ANKRD44: variants seen among roughly 807,000 people sequenced by gnomAD.
ANKRD44 encodes serine/threonine-protein phosphatase 6 regulatory ankyrin repeat subunit B.
ANKRD44 carries 35 observed loss-of-function variants against 116.0 expected under a neutral mutation model. That is an observed-to-expected ratio of 0.30 (90% CI 0.23 to 0.40). ANKRD44 has a LOEUF of 0.40. Ranked by LOEUF, ANKRD44 falls within the 10% of genes least tolerant of loss-of-function variation. ANKRD44 has a pLI of 1.00. For missense variants in ANKRD44, 1,014 were observed against 1,242.6 expected (o/e 0.82, Z 2.77); for synonymous variants, 435 against 461.8 (o/e 0.94, Z 0.74).
At position 197,076,744 on chromosome 2, in the gene ANKRD44, G is replaced by GTCCATGTGTTCTC. The variant is rs1443666520; in HGVS notation, c.1650+1958_1650+1959insGAGAACACATGGA. Among the ~76,000 whole-genome samples, 377 of 152,244 alleles carry GTCCATGTGTTCTC rather than the reference G, an allele frequency of 2.5e-3. 1 individual carries two copies. The highest frequency in any genetic ancestry group is 0.016 in the East Asian group (84 of 5,180). On this transcript the variant is annotated intron_variant, in intron 16 of 27. Coordinates refer to ENST00000282272, the MANE Select transcript of ANKRD44 (RefSeq NM_001195144.2). ...TCATTTAGCTCCCCCTTATAAGTGA[G>GTCCATGTGTTCTC]AACATGCAGTATTTGGTTTCTTGCT...
In ANKRD44 at chr2:197,283,082, T is replaced by C. The variant is rs79914003; in HGVS notation, c.27+27496A>G. 5.7e-3 allele frequency among the ~76,000 whole-genome samples: 871 copies of C among 152,286 alleles called. 3 individuals carry two copies. Among genetic ancestry groups the C allele is most frequent in the Non-Finnish European group, 9.6e-3 (655 of 68,020 alleles). On this transcript the variant is annotated intron_variant, in intron 1 of 27. Transcript: ENST00000282272. Reference sequence around the variant, plus strand: ...CATCATAGGAATGCTTTTATAGATATGTATGTTTGTATAAGCTTCTAAGCC... The same window carrying C: ...CATCATAGGAATGCTTTTATAGATACGTATGTTTGTATAAGCTTCTAAGCC...
intron 19 of ANKRD44, 77 bp downstream of exon 19, chr2:197,008,867 T>C: frequency 7.8e-7 from 1 of 1,285,740 alleles, no homozygotes. Flanking sequence ...CAGTCAGCCT[T>C]GTAATGATTT....
intron 25 of ANKRD44, among the ~76,000 whole-genome samples, chr2:196,996,670 C>G (rs2076016994): frequency 6.6e-6 from 1 of 151,942 alleles, no homozygotes; most frequent in Non-Finnish European, 1.5e-5. Context: ...TTTGGGATGC[C>G]AAGGCGGGCG....
At chr2:197,246,350 CTTTTTT>C (rs67655796) in intron 1 of ANKRD44, among the ~76,000 whole-genome samples, 2 of 65,868 alleles carry the variant, frequency 3.0e-5, no homozygotes, top group South Asian at 7.5e-4. Context: ...CTACATCTGG[CTTTTTT>C]TTTTTTTTTT....
At chr2:197,264,076 G>C (rs1327118872) in intron 1 of ANKRD44, among the ~76,000 whole-genome samples, 1 of 152,104 alleles carries the variant, frequency 6.6e-6, no homozygotes, top group Non-Finnish European at 1.5e-5. Context: ...GCAACATAGT[G>C]AGATCATGTT....
chr2:197,114,953 T>A (rs2078673660), intron 8 of ANKRD44, among the ~76,000 whole-genome samples: 1 of 152,206 alleles, frequency 6.6e-6, no homozygotes, highest in East Asian at 1.9e-4. Flanking sequence ...TTCCCTTACT[T>A]CTCCAACGTT....
At chr2:197,291,056 A>G (rs1332018754) in intron 1 of ANKRD44, among the ~76,000 whole-genome samples, 5 of 152,116 alleles carry the variant, frequency 3.3e-5, no homozygotes, top group Non-Finnish European at 5.9e-5. Flanking sequence ...AAAAAAAACA[A>G]AGATTTGCCA....
chr2:196,990,975 A>C, intron 27 of ANKRD44: 1 of 1,225,538 alleles, frequency 8.2e-7, no homozygotes, highest in South Asian at 4.2e-5. Flanking sequence ...GGGAGCCTAG[A>C]GGAGGCACGA....
At chr2:197,016,339 T>C (rs2076393235) in intron 17 of ANKRD44, among the ~76,000 whole-genome samples, 1 of 152,212 alleles carries the variant, frequency 6.6e-6, no homozygotes, top group Non-Finnish European at 1.5e-5. Flanking sequence ...GTATATTGTC[T>C]TGTAAATTGG....
At chr2:197,288,342 C>T (rs575253342) in intron 1 of ANKRD44, among the ~76,000 whole-genome samples, 85 of 152,104 alleles carry the variant, frequency 5.6e-4, no homozygotes, top group Non-Finnish European at 1.0e-3. Context: ...GGTGAGGATG[C>T]AGAGAAAAGG....
chr2:197,303,510 G>T (rs930631546), intron 1 of ANKRD44, among the ~76,000 whole-genome samples: 1 of 152,160 alleles, frequency 6.6e-6, no homozygotes, highest in Non-Finnish European at 1.5e-5. Context: ...GGTTAGAATT[G>T]TAATTAATTT....
chr2:196,987,174 C>T lies in ANKRD44; in HGVS notation c.*2417G>A. On this transcript the variant is annotated 3_prime_UTR_variant, in exon 28 of 28. Coordinates refer to ENST00000282272, the MANE Select transcript of ANKRD44 (RefSeq NM_001195144.2). ...AAATGCTTTTCCCCTATAATACTGA[C>T]CTATGGTTTATAGTTTCGTAAGACG... The T allele has an allele frequency of 1.0e-6, 1 of 985,346 alleles. No individual in the cohort carries two copies. The highest frequency in any genetic ancestry group is 4.7e-5 in the South Asian group (1 of 21,286). 61.0% of individuals were successfully genotyped at this position (985,346 alleles called of 1,614,324 possible).
chr2:197,265,233 T>TTTA (rs1202920837), intron 1 of ANKRD44, among the ~76,000 whole-genome samples: 1 of 140,726 alleles, frequency 7.1e-6, no homozygotes, highest in East Asian at 2.0e-4. Context: ...ACTTTTTTTC[T>TTTA]TTTTTTTTTT....
intron 1 of ANKRD44, among the ~76,000 whole-genome samples, chr2:197,188,042 C>G (rs1362443492): frequency 6.6e-6 from 1 of 152,332 alleles, no homozygotes; most frequent in East Asian, 1.9e-4. Flanking sequence ...CCCTTGAAAT[C>G]ATTCCCAAAT....
intron 17 of ANKRD44, chr2:197,015,103 C>A (rs916771020): frequency 1.2e-5 from 3 of 243,262 alleles, no homozygotes; most frequent in Admixed American, 4.1e-5. Context: ...TAATAAAAGA[C>A]CCCCGAACAA....
intron 1 of ANKRD44, among the ~76,000 whole-genome samples, chr2:197,218,043 T>A (rs866787660): frequency 6.6e-6 from 1 of 152,014 alleles, no homozygotes; most frequent in Non-Finnish European, 1.5e-5. Context: ...AAAATCAAGA[T>A]GAAAATACTA....
chr2:197,162,559 TA>T (rs771715523), intron 2 of ANKRD44, among the ~76,000 whole-genome samples: 20 of 152,260 alleles, frequency 1.3e-4, no homozygotes, highest in Non-Finnish European at 2.2e-4. Context: ...ACATTAGACA[TA>T]AGGACAATGT....
At chr2:197,051,094 C>G (rs901084002) in intron 16 of ANKRD44, among the ~76,000 whole-genome samples, 7 of 151,562 alleles carry the variant, frequency 4.6e-5, no homozygotes, top group Non-Finnish European at 7.4e-5. Context: ...TCCCAGGTAG[C>G]TGGGACTACA....
chr2:197,227,601 C>A (rs1411762720), intron 1 of ANKRD44, among the ~76,000 whole-genome samples: 18 of 149,414 alleles, frequency 1.2e-4, no homozygotes, highest in African/African-American at 1.5e-4. Flanking sequence ...TTTGTTTTAC[C>A]AAAAAAAACA....
Sources: allele counts gnomAD v4.1 joint callset (sites outside exome capture counted in the v4.1 genomes callset), GRCh38; gene constraint gnomAD v4.1.1; transcripts MANE v1.5; gene names NCBI Gene and HGNC (gene_info 2026-07-23, HGNC 2026-07-21).